Variants in TACR1 observed in about 807,000 individuals in gnomAD.
TACR1 encodes the protein tachykinin receptor 1.
A neutral mutation model predicts 35.8 loss-of-function variants in TACR1; 25 were observed. The ratio of observed to expected loss-of-function variants is 0.70; its 90% confidence interval spans 0.51 to 0.98. The LOEUF (loss-of-function observed/expected upper bound fraction) is 0.98. Among genes scored for constraint, TACR1 ranks in the 50% least tolerant of loss-of-function variants. The pLI, the probability that TACR1 is intolerant of heterozygous loss-of-function variation, is 0.00. For missense variants in TACR1, 478 were observed against 522.9 expected (o/e 0.91, Z 0.84); for synonymous variants, 195 against 206.7 (o/e 0.94, Z 0.48).
At chr2:75,182,977 T>C (rs942416675) in intron 1 of TACR1, among the ~76,000 whole-genome samples, 1 of 152,230 alleles carries the variant, frequency 6.6e-6, no homozygotes, top group African/African-American at 2.4e-5. Context: ...TAATACTTAT[T>C]TCTCCCAATT....
At chr2:75,148,334 C>T (rs1262703753) in intron 1 of TACR1, among the ~76,000 whole-genome samples, 1 of 152,166 alleles carries the variant, frequency 6.6e-6, no homozygotes, top group African/African-American at 2.4e-5. Flanking sequence ...ACATTCCCAC[C>T]AACAATGTAA....
intron 1 of TACR1, chr2:75,189,360 T>G (rs1675789852): frequency 6.6e-6 from 1 of 152,238 alleles, no homozygotes; most frequent in Non-Finnish European, 1.5e-5. Flanking sequence ...CTGCCACTTT[T>G]GTTTGTATGA....
intron 2 of TACR1, among the ~76,000 whole-genome samples, chr2:75,077,645 A>AT (rs776174169): frequency 2.0e-5 from 3 of 152,080 alleles, no homozygotes; most frequent in Non-Finnish European, 2.9e-5. Flanking sequence ...CATTTATTGA[A>AT]TTTTTTTGGT....
intron 1 of TACR1, among the ~76,000 whole-genome samples, chr2:75,122,795 T>A (rs1242339222): frequency 6.6e-6 from 1 of 152,206 alleles, no homozygotes; most frequent in Non-Finnish European, 1.5e-5. Context: ...AAACATTGTC[T>A]GTTTTCTTTA....
intron 2 of TACR1, among the ~76,000 whole-genome samples, chr2:75,066,376 A>G (rs1401957722): frequency 1.3e-5 from 2 of 152,230 alleles, no homozygotes; most frequent in Non-Finnish European, 2.9e-5. Context: ...CAGATGAGCT[A>G]AGAAGAAGAA....
intron 1 of TACR1, among the ~76,000 whole-genome samples, chr2:75,162,039 C>G (rs13425042): frequency 1.5e-5 from 1 of 67,652 alleles, no homozygotes; most frequent in South Asian, 7.9e-4. Flanking sequence ...AGTATTGACT[C>G]TTCCAAAAAA....
intron 2 of TACR1, among the ~76,000 whole-genome samples, chr2:75,083,635 C>G (rs1241266340): frequency 1.3e-5 from 2 of 152,124 alleles, no homozygotes; most frequent in Admixed American, 6.5e-5. Context: ...TTGAAGAGGT[C>G]CTTCACTTCC....
chr2:75,136,198 G>C (rs1391182979), intron 1 of TACR1, among the ~76,000 whole-genome samples: 2 of 152,164 alleles, frequency 1.3e-5, no homozygotes, highest in African/African-American at 4.8e-5. Context: ...AGAGCCCTCT[G>C]TACAGCCCTC....
intron 2 of TACR1, among the ~76,000 whole-genome samples, chr2:75,062,269 T>A (rs1167532355): frequency 2.0e-5 from 3 of 152,080 alleles, no homozygotes; most frequent in Admixed American, 6.6e-5. Context: ...CATCGTCGAT[T>A]TGAAAATACA....
At chr2:75,183,523 T>C (rs974105147) in intron 1 of TACR1, among the ~76,000 whole-genome samples, 92 of 152,170 alleles carry the variant, frequency 6.0e-4, no homozygotes, top group African/African-American at 2.2e-3. Flanking sequence ...CTGTTACGTT[T>C]CCCTGGGTTT....
Position 75,124,922 on chromosome 2 carries a change from T to A in TACR1, c.390-4154A>T, listed in dbSNP as rs1674044192. Among the ~76,000 whole-genome samples, 3 of 152,150 alleles carry A rather than the reference T, an allele frequency of 2.0e-5. No homozygotes were observed. In the South Asian group the frequency reaches 6.2e-4, roughly 32 times the overall value. ...GATAACTCCTGTGTCCCACAAGCAGTGAGTAAGGTGGTCTACGGCCAGTCA... is the reference window on the plus strand; with the variant it reads ...GATAACTCCTGTGTCCCACAAGCAGAGAGTAAGGTGGTCTACGGCCAGTCA... On this transcript the variant is annotated intron_variant, in intron 1 of 4. Coordinates refer to ENST00000305249, the MANE Select transcript of TACR1 (RefSeq NM_001058.4).
chr2:75,059,971 ACAT>A (rs1672640882), intron 2 of TACR1, among the ~76,000 whole-genome samples: 1 of 152,220 alleles, frequency 6.6e-6, no homozygotes, highest in African/African-American at 2.4e-5. Flanking sequence ...TGGTTCACTC[ACAT>A]CTGGGTGTTA....
At position 75,090,732 on chromosome 2, in the gene TACR1, A is replaced by G. The variant is rs193283744; in HGVS notation, c.584+29842T>C. 3.5e-4 allele frequency: 54 copies of G among 154,172 alleles called. 1 individual carries two copies. The highest frequency in any genetic ancestry group is 1.2e-3 in the African/African-American group (52 of 41,608). 9.6% of individuals were successfully genotyped at this position (154,172 alleles called of 1,614,324 possible). A position where few individuals can be genotyped will look rare whatever the true frequency, so the allele number is the denominator to read the frequency against. ...TTGAGAATTAGGACAAAAATTTCTC[A>G]AGGAAGAGTGGTGACCGTTCCCCAT... On this transcript the variant is annotated intron_variant, in intron 2 of 4. Transcript: ENST00000305249.
chr2:75,191,708 G>C (rs1301824680), intron 1 of TACR1, among the ~76,000 whole-genome samples: 1 of 152,180 alleles, frequency 6.6e-6, no homozygotes, highest in Non-Finnish European at 1.5e-5. Context: ...ATTTGGCCCA[G>C]TTTTTCTTTT....
chr2:75,191,384 G>T (rs1336458991), intron 1 of TACR1, among the ~76,000 whole-genome samples: 1 of 152,116 alleles, frequency 6.6e-6, no homozygotes. Context: ...AATCCAGGGG[G>T]TTGACAGCAG....
At chr2:75,113,532 C>CTTTTTTTTTT (rs11437762) in intron 2 of TACR1, among the ~76,000 whole-genome samples, 514 of 91,964 alleles carry the variant, frequency 5.6e-3, no homozygotes, top group Middle Eastern at 0.018. Flanking sequence ...TTTCTTCTTC[C>CTTTTTTTTTT]TTTTTTTTTT....
At chr2:75,188,908 A>C (rs1256993473) in intron 1 of TACR1, 2 of 152,242 alleles carry the variant, frequency 1.3e-5, no homozygotes, top group African/African-American at 4.8e-5. Context: ...TTATGTGGGT[A>C]AATAGGATAC....
intron 2 of TACR1, among the ~76,000 whole-genome samples, chr2:75,058,983 A>G (rs753436732): frequency 5.9e-5 from 9 of 152,214 alleles, no homozygotes; most frequent in Non-Finnish European, 1.0e-4. Flanking sequence ...GCCTTAAGGT[A>G]GGGGAAGAAG....
At chr2:75,145,508 C>G (rs573121469) in intron 1 of TACR1, among the ~76,000 whole-genome samples, 1 of 152,234 alleles carries the variant, frequency 6.6e-6, no homozygotes, top group Admixed American at 6.5e-5. Context: ...AAGACAAATT[C>G]AATTTCAGAA....
Sources: gnomAD v4.1 joint callset for allele counts (sites outside exome capture counted in the v4.1 genomes callset) on GRCh38, gnomAD v4.1.1 for gene constraint, MANE v1.5 for transcripts, NCBI Gene and HGNC (gene_info 2026-07-23, HGNC 2026-07-21) for gene names.